Variants in PRSS12 observed in about 807,000 individuals in gnomAD.
PRSS12 encodes the protein serine protease 12.
PRSS12 carries 85 observed loss-of-function variants against 104.4 expected under a neutral mutation model. The observed-to-expected ratio is 0.81, with a 90% CI of 0.68 to 0.98. The LOEUF (loss-of-function observed/expected upper bound fraction) is 0.98. PRSS12 is among the 50% of genes least tolerant of loss of function. The pLI, the probability that PRSS12 is intolerant of heterozygous loss-of-function variation, is 0.00. For synonymous variants in PRSS12, 454 were observed against 425.2 expected (o/e 1.07, Z -0.83); for missense variants, 1,141 against 1,139.2 (o/e 1.00, Z -0.02).
chr4:118,299,764 T>TAAAAAAAA (rs1473573040), intron 8 of PRSS12, among the ~76,000 whole-genome samples: 1 of 82,508 alleles, frequency 1.2e-5, no homozygotes, highest in Non-Finnish European at 2.4e-5. Context: ...ATAAATAAAA[T>TAAAAAAAA]TAAATAAAAT....
intron 1 of PRSS12, among the ~76,000 whole-genome samples, chr4:118,347,328 T>G (rs1159900896): frequency 6.6e-6 from 1 of 152,104 alleles, no homozygotes; most frequent in Non-Finnish European, 1.5e-5. Flanking sequence ...AAACAACAGA[T>G]GGAATTCAAT....
intron 11 of PRSS12, among the ~76,000 whole-genome samples, chr4:118,292,386 A>G (rs1406413340): frequency 6.6e-6 from 1 of 152,252 alleles, no homozygotes; most frequent in East Asian, 1.9e-4. Flanking sequence ...GCAGGGGCTC[A>G]GGAACCTGGA....
In PRSS12 at chr4:118,299,712, T is replaced by TA. The variant is rs1182586335; in HGVS notation, c.1632-775dup. Among the ~76,000 whole-genome samples the TA allele has an allele frequency of 9.4e-3, 601 of 63,694 alleles. 6 individuals are homozygous for TA. Among genetic ancestry groups the TA allele is most frequent in the African/African-American group, 0.022 (375 of 17,336 alleles). 41.8% of individuals were successfully genotyped at this position (63,694 alleles called of 152,430 possible). A position where few individuals can be genotyped will look rare whatever the true frequency, so the allele number is the denominator to read the frequency against. ...AATAAAATAAATAAAATAAATAAAA[T>TA]AAATAAAATAAAATAAAATAAAATA... On this transcript the variant is annotated intron_variant, in intron 8 of 12. Coordinates refer to ENST00000296498, the MANE Select transcript of PRSS12 (RefSeq NM_003619.4).
chr4:118,342,066 C>A (rs1437313174), intron 1 of PRSS12, among the ~76,000 whole-genome samples: 1 of 152,110 alleles, frequency 6.6e-6, no homozygotes, highest in Non-Finnish European at 1.5e-5. Flanking sequence ...ATAGTTGACG[C>A]AAATCCTCCA....
At chr4:118,290,239 A>T (rs981617218) in intron 11 of PRSS12, among the ~76,000 whole-genome samples, 1 of 152,176 alleles carries the variant, frequency 6.6e-6, no homozygotes, top group African/African-American at 2.4e-5. Context: ...CAACAACAAA[A>T]AAAAGAGCCC....
chr4:118,316,305 G>A lies in PRSS12; in HGVS notation c.1169C>T (p.Ala390Val). The change falls in exon 6 of 13, where the codon GCA (alanine) becomes GTA (valine). Residue 390 changes from alanine to valine, a missense_variant. Coordinates refer to ENST00000296498, the MANE Select transcript of PRSS12 (RefSeq NM_003619.4). ...TPLTDGVIRL[A>V]GGKGSHEGRL... ...ACCCTCATGGCTGCCTTTCCCACCT[G>A]CAAGTCTGATGACCCCATCTGTGAT... 1 of 1,613,924 alleles carries A rather than the reference G, an allele frequency of 6.2e-7. No individual in the cohort carries two copies. Among genetic ancestry groups the A allele is most frequent in the South Asian group, 1.1e-5 (1 of 91,062 alleles).
chr4:118,335,204 T>A (rs1225200262), intron 3 of PRSS12, among the ~76,000 whole-genome samples: 1 of 152,032 alleles, frequency 6.6e-6, no homozygotes, highest in Non-Finnish European at 1.5e-5. Context: ...ACAGTATATA[T>A]ATAACCTATA....
intron 5 of PRSS12, among the ~76,000 whole-genome samples, 181 bp from the exon 6 acceptor site, chr4:118,316,504 C>T (rs866153918): frequency 3.3e-5 from 5 of 152,072 alleles, no homozygotes; most frequent in Non-Finnish European, 7.4e-5. Context: ...TGAAGTTTGA[C>T]GTAACACATT....
intron 1 of PRSS12, among the ~76,000 whole-genome samples, chr4:118,351,489 C>T (rs1724504018): frequency 6.6e-6 from 1 of 152,154 alleles, no homozygotes; most frequent in Non-Finnish European, 1.5e-5. Flanking sequence ...CCTTTATCTC[C>T]TGATGTTACC....
Position 118,313,409 on chromosome 4 carries a change from G to C in PRSS12, c.1293-12C>G. On this transcript the variant is annotated splice_polypyrimidine_tract_variant and intron_variant, in intron 6 of 12. Transcript: ENST00000296498. ...CTTGTTTACCATATCTGTGACAATTGAATAAACACTGTGTATAGAACTTCT... is the reference window on the plus strand; with the variant it reads ...CTTGTTTACCATATCTGTGACAATTCAATAAACACTGTGTATAGAACTTCT... 6.2e-7 allele frequency: 1 copy of C among 1,612,816 alleles called. No homozygotes were observed. The highest frequency in any genetic ancestry group is 8.5e-7 in the Non-Finnish European group (1 of 1,178,990).
intron 11 of PRSS12, among the ~76,000 whole-genome samples, chr4:118,285,735 T>C (rs1003749917): frequency 6.6e-6 from 1 of 152,194 alleles, no homozygotes; most frequent in Non-Finnish European, 1.5e-5. Context: ...ATTAGTTACA[T>C]TTTGCAATGA....
chr4:118,281,535 TAAAG>T lies in PRSS12; in HGVS notation c.*397_*400del. On this transcript the variant is annotated 3_prime_UTR_variant, in exon 13 of 13. Coordinates refer to ENST00000296498, the MANE Select transcript of PRSS12 (RefSeq NM_003619.4). Reference sequence around the variant, plus strand: ...ATAAATATGCCACTCATGAGTGTAGTAAAGGGTACCGCATTTATGTCAAATGTGG... The same window carrying T: ...ATAAATATGCCACTCATGAGTGTAGTGGTACCGCATTTATGTCAAATGTGG... 19 of 271,242 alleles carry T rather than the reference TAAAG, an allele frequency of 7.0e-5. No homozygotes were observed. The highest frequency in any genetic ancestry group is 1.5e-4 in the Admixed American group (3 of 20,608). The allele number at this position is 271,242 out of a possible 1,614,324, so 16.8% of individuals were successfully genotyped here. A position where few individuals can be genotyped will look rare whatever the true frequency, so the allele number is the denominator to read the frequency against.
rs1723507125 is a variant in PRSS12, at chr4:118,318,388, G to T, written c.1140C>A (p.Thr380=). Residue 380 remains threonine, a synonymous_variant, in exon 5 of 13, where the codon ACC becomes ACA. Transcript: ENST00000296498. ...GAGTGAAATCCTTACCTGTTAGAGGGGTACAGGACACTCCAGCATCTTCTT... is the reference window on the plus strand; with the variant it reads ...GAGTGAAATCCTTACCTGTTAGAGGTGTACAGGACACTCCAGCATCTTCTT... The part of the protein sequence containing the change: ...GHKEDAGVSC[T]PLTDGVIRLA... 6.2e-7 allele frequency: 1 copy of T among 1,613,910 alleles called. No homozygotes were observed. The highest frequency in any genetic ancestry group is 8.5e-7 in the Non-Finnish European group (1 of 1,179,858).
At chr4:118,314,022 G>A (rs1273691625) in intron 6 of PRSS12, among the ~76,000 whole-genome samples, 4 of 152,058 alleles carry the variant, frequency 2.6e-5, no homozygotes, top group African/African-American at 7.2e-5. Flanking sequence ...AAACCTAAAC[G>A]TATAATAAAT....
At chr4:118,309,669 G>A (rs545235208) in intron 7 of PRSS12, among the ~76,000 whole-genome samples, 1 of 152,162 alleles carries the variant, frequency 6.6e-6, no homozygotes, top group African/African-American at 2.4e-5. Flanking sequence ...TACTAGAAGG[G>A]TCTCCAGCTT....
Position 118,338,267 on chromosome 4 carries a change from C to G in PRSS12, c.550G>C (p.Glu184Gln), listed in dbSNP as rs992399443. The change falls in exon 2 of 13, where the codon GAA becomes CAA. Residue 184 changes from glutamate (E) to glutamine (Q), a missense_variant. Transcript: ENST00000296498. ...GGKNEFEGTV[E>Q]VYASGVWGTV... The stretch of plus-strand genomic sequence containing the variant: ...CCCCAAACTCCACTTGCATATACTT[C>G]CACTGTGCCTTCAAACTCATTTTTG... 1 of 1,613,936 alleles carries G rather than the reference C, an allele frequency of 6.2e-7. No individual in the cohort carries two copies. The highest frequency in any genetic ancestry group is 1.7e-5 in the Admixed American group (1 of 59,978).
rs1225324661 is a variant in PRSS12, at chr4:118,298,948, G to A, written c.1632-10C>T. ...TGCTCTGGCAGGACCCCTGAAGACA[G>A]AACATTCTTAATCATGTGAAGAATC... On this transcript the variant is annotated splice_polypyrimidine_tract_variant and intron_variant, in intron 8 of 12. Coordinates refer to ENST00000296498, the MANE Select transcript of PRSS12 (RefSeq NM_003619.4). 1 of 1,613,658 alleles carries A rather than the reference G, an allele frequency of 6.2e-7. No homozygotes were observed. Among genetic ancestry groups the A allele is most frequent in the South Asian group, 1.1e-5 (1 of 91,058 alleles).
At chr4:118,311,681 A>G (rs1743733218) in intron 7 of PRSS12, among the ~76,000 whole-genome samples, 1 of 152,346 alleles carries the variant, frequency 6.6e-6, no homozygotes, top group Admixed American at 6.5e-5. Flanking sequence ...AAAGAGATTC[A>G]TAATAGTGAT....
intron 1 of PRSS12, among the ~76,000 whole-genome samples, chr4:118,341,706 A>T (rs1456027862): frequency 6.6e-6 from 1 of 152,134 alleles, no homozygotes; most frequent in Non-Finnish European, 1.5e-5. Flanking sequence ...CCACAACAAC[A>T]ACAACAAAAC....
Sources: gnomAD v4.1 joint callset for allele counts (sites outside exome capture counted in the v4.1 genomes callset) on GRCh38, gnomAD v4.1.1 for gene constraint, MANE v1.5 for transcripts, NCBI Gene and HGNC (gene_info 2026-07-23, HGNC 2026-07-21) for gene names.